The following HIBADH variants were observed in gnomAD, a reference collection of about 807,000 sequenced individuals.
The protein encoded by HIBADH is 3-hydroxyisobutyrate dehydrogenase, also known as 3-hydroxyisobutyrate dehydrogenase, mitochondrial.
A neutral mutation model predicts 36.1 loss-of-function variants in HIBADH; 25 were observed. The observed-to-expected ratio is 0.69, with a 90% CI of 0.50 to 0.97. HIBADH has a LOEUF of 0.97. Among genes scored for constraint, HIBADH ranks in the 50% least tolerant of loss-of-function variants. HIBADH has a pLI of 0.00. For missense variants in HIBADH, 421 were observed against 418.0 expected, an observed-to-expected ratio of 1.01 and a Z score of -0.06; for synonymous variants, 160 against 149.5, an observed-to-expected ratio of 1.07 and a Z score of -0.51.
intron 4 of HIBADH, among the ~76,000 whole-genome samples, chr7:27,556,210 G>A (rs899084467): frequency 6.6e-6 from 1 of 152,158 alleles, no homozygotes; most frequent in Non-Finnish European, 1.5e-5. Context: ...TAGTCATTCT[G>A]TGTCCTCTAG....
At chr7:27,544,112 T>C (rs1354235954) in intron 4 of HIBADH, among the ~76,000 whole-genome samples, 2 of 152,204 alleles carry the variant, frequency 1.3e-5, no homozygotes, top group African/African-American at 4.8e-5. Context: ...ACTGTAATTG[T>C]CTGTAGTATG....
At chr7:27,645,514 T>C (rs1041458034) in intron 2 of HIBADH, among the ~76,000 whole-genome samples, 5 of 151,354 alleles carry the variant, frequency 3.3e-5, no homozygotes, top group Admixed American at 3.3e-4. Context: ...GAGTAGCTGG[T>C]ATTACAGGTG....
intron 1 of HIBADH, among the ~76,000 whole-genome samples, chr7:27,654,530 A>C (rs962910058): frequency 2.0e-5 from 3 of 152,210 alleles, no homozygotes; most frequent in African/African-American, 7.2e-5. Flanking sequence ...CATCAGAAAC[A>C]ATGCAAGTGA....
intron 5 of HIBADH, among the ~76,000 whole-genome samples, chr7:27,539,559 C>A (rs1784116160): frequency 6.6e-6 from 1 of 152,004 alleles, no homozygotes; most frequent in South Asian, 2.1e-4. Flanking sequence ...CCTCATACTT[C>A]TAAATGAAAG....
rs980180395 is a variant in HIBADH, at chr7:27,554,315, G to GA, written c.485-11216dup. Among the ~76,000 whole-genome samples, 19 of 151,972 alleles carry GA rather than the reference G, an allele frequency of 1.3e-4. No individual in the cohort carries two copies. The East Asian group carries it at 2.5e-3, about 20-fold the overall frequency. ...GTCATTTTTAAAAGCCAAATAAGAG[G>GA]AAAAAAAAGCCAAATAGCTTGTAAT... On this transcript the variant is annotated intron_variant, in intron 4 of 7. Transcript: ENST00000265395.
At chr7:27,549,148 TAG>T (rs140489259) in intron 4 of HIBADH, among the ~76,000 whole-genome samples, 4,703 of 152,108 alleles carry the variant, frequency 0.031, 111 homozygotes, top group South Asian at 0.092. Context: ...GCAAAAAAAA[TAG>T]AGAGCTTTTA....
chr7:27,567,811 A>G (rs1370866547), intron 4 of HIBADH, among the ~76,000 whole-genome samples: 1 of 152,180 alleles, frequency 6.6e-6, no homozygotes. Context: ...ATTTACATAT[A>G]TAGAAAATTC....
At chr7:27,560,768 T>G (rs1784452555) in intron 4 of HIBADH, among the ~76,000 whole-genome samples, 1 of 152,234 alleles carries the variant, frequency 6.6e-6, no homozygotes, top group Non-Finnish European at 1.5e-5. Context: ...TTGGTTACTA[T>G]GAGTACTGCT....
At chr7:27,564,188 G>A (rs1012180524) in intron 4 of HIBADH, among the ~76,000 whole-genome samples, 11 of 152,028 alleles carry the variant, frequency 7.2e-5, no homozygotes, top group East Asian at 3.9e-4. Context: ...GTGAGCCACC[G>A]TGCCTGGCCG....
intron 4 of HIBADH, among the ~76,000 whole-genome samples, chr7:27,583,818 A>G (rs1294114735): frequency 6.6e-6 from 1 of 152,042 alleles, no homozygotes; most frequent in South Asian, 2.1e-4. Flanking sequence ...TTACTGTATT[A>G]GAAATCAAAA....
At position 27,620,099 on chromosome 7, in the gene HIBADH, C is replaced by A. The variant is rs921960509; in HGVS notation, c.484+9272G>T. ...ACTTTAGGAAGCCAAGGTGGAGGAG[C>A]GCTTGAGCCCAGGAGTTTGAGATCA... On this transcript the variant is annotated intron_variant, in intron 4 of 7. Transcript: ENST00000265395. Among the ~76,000 whole-genome samples the A allele has an allele frequency of 1.3e-5, 2 of 152,070 alleles. 1 individual carries two copies. Among genetic ancestry groups the A allele is most frequent in the East Asian group, 3.9e-4 (2 of 5,184 alleles).
intron 4 of HIBADH, among the ~76,000 whole-genome samples, chr7:27,610,259 G>A (rs1472107736): frequency 2.0e-5 from 3 of 151,948 alleles, no homozygotes; most frequent in Non-Finnish European, 4.4e-5. Flanking sequence ...TTGATATACT[G>A]CACATATTTA....
intron 4 of HIBADH, among the ~76,000 whole-genome samples, chr7:27,565,982 C>T (rs989699223): frequency 6.6e-6 from 1 of 151,996 alleles, no homozygotes; most frequent in Admixed American, 6.6e-5. Context: ...ATTACAAAGA[C>T]TGATTTCAGT....
At chr7:27,538,310 T>A (rs757950544) in intron 6 of HIBADH, 31 bp downstream of exon 6, 4 of 1,507,780 alleles carry the variant, frequency 2.7e-6, no homozygotes. Flanking sequence ...CCTATAAAAA[T>A]GTTAGTATAA....
chr7:27,580,161 A>G (rs1207816133), intron 4 of HIBADH, among the ~76,000 whole-genome samples: 1 of 152,230 alleles, frequency 6.6e-6, no homozygotes, highest in African/African-American at 2.4e-5. Flanking sequence ...AAGAAATGCA[A>G]TCAATTATAT....
At chr7:27,564,387 T>C (rs1012774198) in intron 4 of HIBADH, among the ~76,000 whole-genome samples, 1 of 152,210 alleles carries the variant, frequency 6.6e-6, no homozygotes, top group Non-Finnish European at 1.5e-5. Context: ...ACAACCTTTT[T>C]TTCTTAATAT....
At chr7:27,540,686 T>C (rs1562614735) in intron 5 of HIBADH, among the ~76,000 whole-genome samples, 1 of 152,222 alleles carries the variant, frequency 6.6e-6, no homozygotes, top group South Asian at 2.1e-4. Flanking sequence ...CCATGTGTAA[T>C]GAGCCTTAAA....
At position 27,534,999 on chromosome 7, in the gene HIBADH, G is replaced by A. The variant is rs888820777; in HGVS notation, c.695+3342C>T. On this transcript the variant is annotated intron_variant, in intron 6 of 7. Coordinates refer to ENST00000265395, the MANE Select transcript of HIBADH (RefSeq NM_152740.4). Reference sequence around the variant, plus strand: ...CCTACATGTATGCCCAAATGCCATCGTACTGGCTAGTAGTTGACTATTAAG... The same window carrying A: ...CCTACATGTATGCCCAAATGCCATCATACTGGCTAGTAGTTGACTATTAAG... Among the ~76,000 whole-genome samples, 6 of 147,832 alleles carry A rather than the reference G, an allele frequency of 4.1e-5. 1 individual carries two copies. In the South Asian group the frequency reaches 6.6e-4, roughly 16 times the overall value.
intron 4 of HIBADH, among the ~76,000 whole-genome samples, chr7:27,627,712 T>G (rs1192614768): frequency 6.6e-6 from 1 of 152,196 alleles, no homozygotes; most frequent in African/African-American, 2.4e-5. Flanking sequence ...TATATACTGG[T>G]TAACCTCATA....
Sources: gnomAD v4.1 joint callset for allele counts (sites outside exome capture counted in the v4.1 genomes callset) on GRCh38, gnomAD v4.1.1 for gene constraint, MANE v1.5 for transcripts, NCBI Gene and HGNC (gene_info 2026-07-23, HGNC 2026-07-21) for gene names.